Variants in SNTG1 observed in about 807,000 individuals in gnomAD.
SNTG1 encodes the protein gamma-1-syntrophin.
A neutral mutation model predicts 74.7 loss-of-function variants in SNTG1; 39 were observed. The observed-to-expected ratio is 0.52, with a 90% confidence interval of 0.40 to 0.68. SNTG1 has a LOEUF of 0.68. SNTG1 is among the 30% of genes least tolerant of loss of function. SNTG1 has a pLI of 0.00. For synonymous variants in SNTG1, 254 were observed against 217.1 expected (o/e 1.17, Z -1.49); for missense variants, 685 against 609.5 (o/e 1.12, Z -1.30).
Position 50,501,431 on chromosome 8 carries a change from T to G in SNTG1, c.364-1347T>G, listed in dbSNP as rs971501554. On this transcript the variant is annotated intron_variant, in intron 8 of 18. Transcript: ENST00000642720. Reference sequence around the variant, plus strand: ...GAGAGAGATGAGCCTGTGCGTTTTTTTTTTTTTTTTTTTTTTTTTTTTTCA... The same window carrying G: ...GAGAGAGATGAGCCTGTGCGTTTTTGTTTTTTTTTTTTTTTTTTTTTTTCA... Among the ~76,000 whole-genome samples, 6 of 120,788 alleles carry G rather than the reference T, an allele frequency of 5.0e-5. No homozygotes were observed. The South Asian group carries it at 1.6e-3, about 32-fold the overall frequency. The allele number at this position is 120,788 out of a possible 152,430, so 79.2% of individuals were successfully genotyped here. A position where few individuals can be genotyped will look rare whatever the true frequency, so the allele number is the denominator to read the frequency against.
At chr8:50,331,093 G>A (rs2090947408) in intron 2 of SNTG1, among the ~76,000 whole-genome samples, 1 of 152,184 alleles carries the variant, frequency 6.6e-6, no homozygotes, top group Non-Finnish European at 1.5e-5. Context: ...TAAATATGGT[G>A]CACTAGGTAT....
At chr8:50,777,302 T>C (rs886534391) in intron 18 of SNTG1, among the ~76,000 whole-genome samples, 7 of 149,022 alleles carry the variant, frequency 4.7e-5, no homozygotes, top group African/African-American at 1.2e-4. Context: ...TCTTTCCTTT[T>C]TTCAATCTTT....
intron 18 of SNTG1, among the ~76,000 whole-genome samples, chr8:50,774,283 T>C (rs2095634374): frequency 6.6e-6 from 1 of 151,852 alleles, no homozygotes; most frequent in Admixed American, 6.6e-5. Flanking sequence ...GAACTCCATG[T>C]AGAATAAAAA....
chr8:50,673,956 T>G (rs1186596645), intron 15 of SNTG1, among the ~76,000 whole-genome samples: 3 of 152,088 alleles, frequency 2.0e-5, no homozygotes, highest in Non-Finnish European at 2.9e-5. Context: ...TGTCATTGGT[T>G]CTGTCAATGT....
At position 50,479,421 on chromosome 8, in the gene SNTG1, T is replaced by C. The variant is rs562295588; in HGVS notation, c.364-23357T>C. Among the ~76,000 whole-genome samples the C allele has an allele frequency of 1.1e-4, 16 of 152,278 alleles. No homozygotes were observed. In the South Asian group the frequency reaches 3.1e-3, roughly 30 times the overall value. The stretch of plus-strand genomic sequence containing the variant: ...TGTAGTGTGTTAACAGAAAAATGCT[T>C]TCTTTCCTACAGAATTTGAAATTAA... On this transcript the variant is annotated intron_variant, in intron 8 of 18. Transcript: ENST00000642720.
chr8:50,443,977 T>TA (rs201728214), intron 5 of SNTG1, among the ~76,000 whole-genome samples: 273 of 146,402 alleles, frequency 1.9e-3, no homozygotes, highest in East Asian at 7.3e-3. Flanking sequence ...CTACTAAAAA[T>TA]AAAAAAAAAA....
intron 12 of SNTG1, among the ~76,000 whole-genome samples, chr8:50,562,380 G>A (rs2094493514): frequency 6.6e-6 from 1 of 152,210 alleles, no homozygotes; most frequent in African/African-American, 2.4e-5. Context: ...CAAAGTGAGA[G>A]AACAAGAGAC....
Position 50,063,970 on chromosome 8 carries a change from A to AT in SNTG1, c.-102-108587dup, listed in dbSNP as rs1436130903. Among the ~76,000 whole-genome samples, 7 of 152,272 alleles carry AT rather than the reference A, an allele frequency of 4.6e-5. No individual in the cohort carries two copies. In the South Asian group the frequency reaches 1.2e-3, roughly 27 times the overall value. ...AACTCTAGCCAGACTACTTGAGTTC[A>AT]TTTTCCATCTATAGCAACTTACTAA... On this transcript the variant is annotated intron_variant, in intron 1 of 18. Coordinates refer to ENST00000642720, the MANE Select transcript of SNTG1 (RefSeq NM_018967.5).
At chr8:50,702,003 A>T (rs959997767) in intron 15 of SNTG1, among the ~76,000 whole-genome samples, 5 of 151,856 alleles carry the variant, frequency 3.3e-5, no homozygotes, top group African/African-American at 1.2e-4. Flanking sequence ...GGGATGCACC[A>T]CCATGTCCGG....
intron 2 of SNTG1, among the ~76,000 whole-genome samples, chr8:50,249,353 C>T (rs1331535980): frequency 6.6e-6 from 1 of 152,208 alleles, no homozygotes; most frequent in East Asian, 1.9e-4. Flanking sequence ...CTGCATGCAC[C>T]TGTCCCCACC....
intron 13 of SNTG1, among the ~76,000 whole-genome samples, chr8:50,621,967 G>A (rs1359216707): frequency 6.6e-6 from 1 of 152,038 alleles, no homozygotes; most frequent in Non-Finnish European, 1.5e-5. Context: ...CTCCTATATG[G>A]GCTAGGTGTC....
intron 18 of SNTG1, among the ~76,000 whole-genome samples, chr8:50,761,946 A>C (rs558462336): frequency 7.3e-4 from 111 of 152,124 alleles, no homozygotes; most frequent in African/African-American, 2.4e-3. Context: ...ATGCCTTTCA[A>C]TAAGTAAAAG....
chr8:50,688,678 A>T (rs976339112), intron 15 of SNTG1, among the ~76,000 whole-genome samples: 3 of 152,170 alleles, frequency 2.0e-5, no homozygotes, highest in Non-Finnish European at 4.4e-5. Context: ...TATAGTATGA[A>T]GTCAGGTAGC....
chr8:50,040,658 G>A (rs1229378213), intron 1 of SNTG1, among the ~76,000 whole-genome samples: 2 of 152,126 alleles, frequency 1.3e-5, no homozygotes, highest in Non-Finnish European at 2.9e-5. Flanking sequence ...GCTTATAAAT[G>A]TAAGACATTT....
intron 2 of SNTG1, among the ~76,000 whole-genome samples, chr8:50,266,624 C>T (rs1268300962): frequency 1.4e-5 from 2 of 141,770 alleles, no homozygotes; most frequent in African/African-American, 5.2e-5. Context: ...GGTACCACAA[C>T]AGAAGTGAAA....
intron 11 of SNTG1, among the ~76,000 whole-genome samples, chr8:50,545,698 G>C (rs538080665): frequency 6.6e-6 from 1 of 151,768 alleles, no homozygotes; most frequent in African/African-American, 2.4e-5. Context: ...TTGAAAGTAG[G>C]CTTTTGGACT....
intron 15 of SNTG1, among the ~76,000 whole-genome samples, chr8:50,664,355 A>G (rs2095240310): frequency 6.6e-6 from 1 of 152,210 alleles, no homozygotes; most frequent in South Asian, 2.1e-4. Flanking sequence ...AAAATTAGGC[A>G]TGAAAGTGAA....
intron 1 of SNTG1, among the ~76,000 whole-genome samples, chr8:50,017,133 A>G (rs1383933302): frequency 1.3e-5 from 2 of 152,110 alleles, no homozygotes; most frequent in African/African-American, 4.8e-5. Context: ...ACAAACTAAG[A>G]AATAAAGAAC....
intron 9 of SNTG1, among the ~76,000 whole-genome samples, chr8:50,513,264 C>T (rs536498198): frequency 3.3e-5 from 5 of 152,298 alleles, no homozygotes; most frequent in Admixed American, 6.5e-5. Flanking sequence ...GCTGCCTGAT[C>T]GTTCCTCTGG....
Sources: gnomAD v4.1 joint callset for allele counts (sites outside exome capture counted in the v4.1 genomes callset) on GRCh38, gnomAD v4.1.1 for gene constraint, MANE v1.5 for transcripts, NCBI Gene and HGNC (gene_info 2026-07-23, HGNC 2026-07-21) for gene names.